The following WDR36 variants were observed in gnomAD, a reference collection of about 807,000 sequenced individuals.
WDR36 encodes the protein WD repeat-containing protein 36.
Under a neutral mutation model 112.7 loss-of-function variants are expected in WDR36, and 63 were observed. The observed-to-expected ratio is 0.56, with a 90% CI of 0.46 to 0.69. WDR36 has a LOEUF of 0.69. Ranked by LOEUF, WDR36 falls within the 30% of genes least tolerant of loss-of-function variation. The pLI, the probability that WDR36 is intolerant of heterozygous loss-of-function variation, is 0.00. For missense variants in WDR36, 1,226 were observed against 1,070.3 expected (o/e 1.15, Z -2.03); for synonymous variants, 410 against 362.2 (o/e 1.13, Z -1.50).
chr5:111,117,712 A>C (rs1753484762), intron 16 of WDR36, among the ~76,000 whole-genome samples: 1 of 152,170 alleles, frequency 6.6e-6, no homozygotes, highest in South Asian at 2.1e-4. Context: ...CTCACACAGA[A>C]CACTAAAAAA....
chr5:111,092,769 C>T (rs1752895247), intron 1 of WDR36, 151 bp downstream of exon 1: 2 of 1,112,432 alleles, frequency 1.8e-6, no homozygotes, highest in Admixed American at 2.0e-5. Context: ...CATCCGGTCA[C>T]GTCCACGTGC....
intron 1 of WDR36, 24 bp downstream of exon 1, chr5:111,092,642 T>A: frequency 6.2e-7 from 1 of 1,605,034 alleles, no homozygotes; most frequent in South Asian, 1.1e-5. Flanking sequence ...TTTGTTAGCT[T>A]CCCAGGAAAA....
At chr5:111,112,872 G>C (rs1351270939) in intron 15 of WDR36, among the ~76,000 whole-genome samples, 1 of 151,052 alleles carries the variant, frequency 6.6e-6, no homozygotes, top group Non-Finnish European at 1.5e-5. Flanking sequence ...TATTTAGGAA[G>C]TGGTATTTTC....
chr5:111,094,850 A>T, intron 1 of WDR36, 70 bp from the exon 2 acceptor site: 1 of 1,268,348 alleles, frequency 7.9e-7, no homozygotes, highest in South Asian at 1.3e-5. Context: ...TTATATCTTA[A>T]TCTTCAGGTG....
In WDR36 at chr5:111,104,273, A is replaced by G; in HGVS notation, c.827A>G (p.His276Arg). 6.2e-7 allele frequency: 1 copy of G among 1,612,056 alleles called. No individual in the cohort carries two copies. The highest frequency in any genetic ancestry group is 1.1e-5 in the South Asian group (1 of 91,046). Residue 276 changes from histidine (H) to arginine (R), a missense_variant, in exon 8 of 23, where the codon CAC (histidine) becomes CGC (arginine). Transcript: ENST00000513710. The part of the protein sequence containing the change: ...KKLINQMRNA[H>R]STAIAGLTFL... ...TTAATCAACCAAATGAGAAATGCAC[A>G]CTCTACAGCAATTGCCGGACTGACA...
chr5:111,120,486 G>T lies in WDR36; in HGVS notation c.1905-10G>T, dbSNP rs558023673. ...ATTTTTAAAATATTGCTTATGTTTT[G>T]ATTTTTCAGGTCCAATATTTCCCTG... On this transcript the variant is annotated splice_polypyrimidine_tract_variant and intron_variant, in intron 17 of 22. Coordinates refer to ENST00000513710, the MANE Select transcript of WDR36 (RefSeq NM_139281.3). 2.5e-6 allele frequency: 4 copies of T among 1,602,992 alleles called. No homozygotes were observed. In the Admixed American group the frequency reaches 5.0e-5, roughly 20 times the overall value.
At chr5:111,126,287 G>C (rs978104467) in intron 22 of WDR36, among the ~76,000 whole-genome samples, 1 of 151,808 alleles carries the variant, frequency 6.6e-6, no homozygotes. Flanking sequence ...CATTATTAAA[G>C]GAGTTTTGAT....
chr5:111,110,836 T>C lies in WDR36; in HGVS notation c.1490T>C (p.Leu497Ser), dbSNP rs756813473. The C allele has an allele frequency of 3.1e-6, 5 of 1,611,544 alleles. No homozygotes were observed. Among genetic ancestry groups the C allele is most frequent in the Non-Finnish European group, 4.2e-6 (5 of 1,178,416 alleles). ...GTCGCAGTGGATGGATTAAACCAGT[T>C]GACAGTTACAACTGGTAGTGAAGGA... ...RGVAVDGLNQLTVTTGSEGLL... is the reference protein window; with the variant it reads ...RGVAVDGLNQSTVTTGSEGLL... Residue 497 changes from leucine (L) to serine (S), a missense_variant, in exon 14 of 23, where the codon TTG (leucine) becomes TCG (serine). Physicochemically the swap from Leu to Ser is moderately radical, Grantham distance 145 (BLOSUM62 -2). Transcript: ENST00000513710.
At chr5:111,093,787 C>A (rs1238155865) in intron 1 of WDR36, among the ~76,000 whole-genome samples, 1 of 152,164 alleles carries the variant, frequency 6.6e-6, no homozygotes, top group African/African-American at 2.4e-5. Flanking sequence ...ATTCTACTTC[C>A]AAAGAAACCC....
In WDR36 at chr5:111,125,736, A is replaced by G. The variant is rs746020490; in HGVS notation, c.2479A>G (p.Met827Val). ...MQSFLKMIGM[M>V]LDRKRDFELA... Reference sequence around the variant, plus strand: ...GAGCTTCTTGAAAATGATTGGGATGATGCTGGACAGAAAGCGTGATTTTGA... The same window carrying G: ...GAGCTTCTTGAAAATGATTGGGATGGTGCTGGACAGAAAGCGTGATTTTGA... Residue 827 changes from methionine (M) to valine (V), a missense_variant, in exon 22 of 23, where the codon ATG (methionine) becomes GTG (valine). Met to Val is a conservative substitution (Grantham distance 21). Transcript: ENST00000513710. 8.1e-6 allele frequency: 13 copies of G among 1,613,922 alleles called. No individual in the cohort carries two copies. In the Admixed American group the frequency reaches 1.0e-4, roughly 12 times the overall value.
chr5:111,105,305 A>G lies in WDR36; in HGVS notation c.1038A>G (p.Gly346=). Residue 346 remains glycine (G), a synonymous_variant, in exon 10 of 23, where the codon GGA becomes GGG. Transcript: ENST00000513710. ...GQQILSASQD[G]TLQSFSTVHE... ...TGTGTATATCAACAGGTCAAGATGG[A>G]ACTCTTCAGTCATTTTCCACGGTAC... is the stretch of plus-strand genomic sequence containing the variant. 1 of 1,609,962 alleles carries G rather than the reference A, an allele frequency of 6.2e-7. No homozygotes were observed. Among genetic ancestry groups the G allele is most frequent in the Non-Finnish European group, 8.5e-7 (1 of 1,177,160 alleles).
At chr5:111,115,740 A>T (rs1255286945) in intron 16 of WDR36, among the ~76,000 whole-genome samples, 1 of 152,140 alleles carries the variant, frequency 6.6e-6, no homozygotes, top group Non-Finnish European at 1.5e-5. Flanking sequence ...ATCCATCTGG[A>T]ATTGTGCCTA....
intron 19 of WDR36, 149 bp downstream of exon 19, chr5:111,121,290 G>A (rs1416788121): frequency 3.8e-6 from 3 of 796,942 alleles, no homozygotes; most frequent in African/African-American, 1.7e-5. Context: ...ATCAAATATT[G>A]TTTAATATGG....
chr5:111,103,942 T>C, intron 7 of WDR36, 24 bp downstream of exon 7: 1 of 1,609,588 alleles, frequency 6.2e-7, no homozygotes, highest in Non-Finnish European at 8.5e-7. Context: ...TACTTATTGA[T>C]AGGAGTTAAG....
chr5:111,099,601 A>C (rs2112567425), intron 4 of WDR36, among the ~76,000 whole-genome samples: 1 of 151,870 alleles, frequency 6.6e-6, no homozygotes, highest in African/African-American at 2.4e-5. Context: ...GAATTCCAAA[A>C]GTATTCCCTG....
Position 111,127,880 on chromosome 5 carries a change from TG to T in WDR36, c.*1000del, listed in dbSNP as rs1230042908. The T allele has an allele frequency of 4.8e-6, 1 of 210,486 alleles. No individual in the cohort carries two copies. The highest frequency in any genetic ancestry group is 9.6e-6 in the Non-Finnish European group (1 of 103,802). The allele number at this position is 210,486 out of a possible 1,614,324, so 13.0% of individuals were successfully genotyped here. On this transcript the variant is annotated 3_prime_UTR_variant, in exon 23 of 23. Transcript: ENST00000513710. Reference sequence around the variant, plus strand: ...TGTTTATTGCTACCACAGCCAAGAATGGGTATTTCAAAGCCAGGGTTTTTTT... The same window carrying T: ...TGTTTATTGCTACCACAGCCAAGAATGGTATTTCAAAGCCAGGGTTTTTTT...
intron 5 of WDR36, among the ~76,000 whole-genome samples, chr5:111,101,657 C>T (rs1353607237): frequency 6.6e-6 from 1 of 151,670 alleles, no homozygotes; most frequent in African/African-American, 2.4e-5. Context: ...AATATTTGAC[C>T]ATCCAAATTG....
At chr5:111,105,617 G>T (rs1319766751) in intron 10 of WDR36, among the ~76,000 whole-genome samples, 1 of 151,480 alleles carries the variant, frequency 6.6e-6, no homozygotes, top group Non-Finnish European at 1.5e-5. Flanking sequence ...GATGTTCATG[G>T]CCTCACTTGA....
At chr5:111,114,573 G>T (rs1753418183) in intron 16 of WDR36, among the ~76,000 whole-genome samples, 1 of 152,152 alleles carries the variant, frequency 6.6e-6, no homozygotes, top group Non-Finnish European at 1.5e-5. Flanking sequence ...AATAATCAGG[G>T]ACCTTTGTCC....
Sources: gnomAD v4.1 joint callset for allele counts (sites outside exome capture counted in the v4.1 genomes callset) on GRCh38, gnomAD v4.1.1 for gene constraint, MANE v1.5 for transcripts, NCBI Gene and HGNC (gene_info 2026-07-23, HGNC 2026-07-21) for gene names.